The following PPP1R42 variants were observed in gnomAD, a reference collection of about 807,000 sequenced individuals.
PPP1R42 encodes the protein protein phosphatase 1 regulatory subunit 42.
In PPP1R42, 34 loss-of-function variants were observed where a neutral mutation model predicts 31.0. The observed-to-expected ratio is 1.10, with a 90% confidence interval of 0.83 to 1.46. The LOEUF (loss-of-function observed/expected upper bound fraction) is 1.46, where lower values mean the gene tolerates loss of function less well. PPP1R42 is among the 40% of genes most tolerant of loss of function. The pLI is 0.00. For synonymous variants in PPP1R42, 103 were observed against 109.8 expected (o/e 0.94, Z 0.39); for missense variants, 268 against 303.0 (o/e 0.88, Z 0.86).
chr8:67,024,582 C>T (rs1435215727), intron 1 of PPP1R42, among the ~76,000 whole-genome samples: 2 of 151,360 alleles, frequency 1.3e-5, no homozygotes, highest in Non-Finnish European at 2.9e-5. Context: ...TCAAGTGATT[C>T]TCCTGCCTCA....
chr8:66,975,424 G>A (rs951572382), intron 7 of PPP1R42, among the ~76,000 whole-genome samples: 5 of 152,160 alleles, frequency 3.3e-5, no homozygotes, highest in African/African-American at 1.2e-4. Flanking sequence ...AAGGTGGGTG[G>A]ATCACTTGAG....
intron 1 of PPP1R42, among the ~76,000 whole-genome samples, chr8:67,025,515 A>G (rs1816365903): frequency 6.6e-6 from 1 of 151,010 alleles, no homozygotes. Context: ...TTTGTAGGGA[A>G]GGCAAAATCT....
rs548053189 is a variant in PPP1R42 at position 66,964,352 on chromosome 8, GA to G, written c.803-19del. The G allele has an allele frequency of 6.2e-5, 75 of 1,218,112 alleles. No homozygotes were observed. The highest frequency in any genetic ancestry group is 2.3e-4 in the Middle Eastern group (1 of 4,334). 75.5% of individuals were successfully genotyped at this position (1,218,112 alleles called of 1,614,324 possible). On this transcript the variant is annotated intron_variant, in intron 7 of 7. Transcript: ENST00000685739. ...AGAGATTCCTGTATTTATAGAGAGG[GA>G]AAAAAAAGCATTAAATTAAAAAAAT...
chr8:66,987,448 C>T (rs2130930888), intron 6 of PPP1R42, among the ~76,000 whole-genome samples: 1 of 152,094 alleles, frequency 6.6e-6, no homozygotes, highest in Non-Finnish European at 1.5e-5. Context: ...CACACTGCCA[C>T]CCCTGGCTAT....
chr8:66,965,482 G>A (rs1205186879), intron 7 of PPP1R42, among the ~76,000 whole-genome samples: 1 of 150,262 alleles, frequency 6.7e-6, no homozygotes, highest in African/African-American at 2.4e-5. Flanking sequence ...TGTCGCCCAG[G>A]CTGGAGTGCA....
intron 2 of PPP1R42, among the ~76,000 whole-genome samples, chr8:67,015,763 A>T (rs921136563): frequency 2.0e-5 from 3 of 152,154 alleles, no homozygotes; most frequent in African/African-American, 7.2e-5. Flanking sequence ...AGGGATTTTT[A>T]AAAAGGCTGC....
chr8:66,976,430 AGTCCCTG>A (rs1814675716), intron 7 of PPP1R42, among the ~76,000 whole-genome samples: 1 of 152,330 alleles, frequency 6.6e-6, no homozygotes, highest in East Asian at 1.9e-4. Flanking sequence ...CCACAAAACC[AGTCCCTG>A]GTGCTACAAA....
At chr8:66,973,158 T>A (rs1814578783) in intron 7 of PPP1R42, among the ~76,000 whole-genome samples, 1 of 152,204 alleles carries the variant, frequency 6.6e-6, no homozygotes, top group South Asian at 2.1e-4. Context: ...CCATTTTAAA[T>A]TATTAATAAT....
intron 7 of PPP1R42, chr8:66,971,173 T>C: frequency 2.1e-6 from 3 of 1,436,540 alleles, no homozygotes; most frequent in Non-Finnish European, 2.7e-6. Flanking sequence ...AGCATTCTGC[T>C]TTGAAATTAA....
chr8:66,988,647 G>T, intron 5 of PPP1R42, 130 bp from the exon 6 acceptor site: 1 of 718,874 alleles, frequency 1.4e-6, no homozygotes, highest in Non-Finnish European at 2.1e-6. Context: ...GTACTTAGAA[G>T]GTGCATAATA....
intron 7 of PPP1R42, among the ~76,000 whole-genome samples, chr8:66,977,988 C>G (rs1274331206): frequency 1.3e-5 from 2 of 152,172 alleles, no homozygotes; most frequent in Non-Finnish European, 2.9e-5. Context: ...ATTCTGTTCT[C>G]TATAGTGGTT....
intron 7 of PPP1R42, among the ~76,000 whole-genome samples, chr8:66,972,140 T>A (rs1027891151): frequency 1.3e-5 from 2 of 152,224 alleles, no homozygotes; most frequent in Non-Finnish European, 2.9e-5. Flanking sequence ...TATAGTATGC[T>A]ATTGGACATA....
intron 7 of PPP1R42, among the ~76,000 whole-genome samples, chr8:66,978,617 C>T (rs974107458): frequency 2.6e-5 from 4 of 152,106 alleles, no homozygotes; most frequent in African/African-American, 9.7e-5. Flanking sequence ...AGGGTTTCAC[C>T]ATGTTGGCCA....
At chr8:66,970,727 T>C (rs1814514458) in intron 7 of PPP1R42, 1 of 474,940 alleles carries the variant, frequency 2.1e-6, no homozygotes, top group Non-Finnish European at 4.1e-6. Flanking sequence ...CGGAGTCTCC[T>C]ACCTTACCTC....
chr8:66,976,023 G>A (rs1047502247), intron 7 of PPP1R42, among the ~76,000 whole-genome samples: 7 of 152,148 alleles, frequency 4.6e-5, no homozygotes, highest in Admixed American at 2.6e-4. Flanking sequence ...GCAGGTAAGC[G>A]AATGAAGCTT....
At chr8:66,988,616 G>T in intron 5 of PPP1R42, 99 bp from the exon 6 acceptor site, 1 of 1,118,052 alleles carries the variant, frequency 8.9e-7, no homozygotes, top group African/African-American at 1.6e-5. Flanking sequence ...CTGCTTTCAT[G>T]GAGTTCTAGC....
intron 7 of PPP1R42, among the ~76,000 whole-genome samples, chr8:66,976,982 T>G (rs867838441): frequency 7.2e-5 from 11 of 152,088 alleles, no homozygotes; most frequent in Non-Finnish European, 1.5e-4. Context: ...AGGAATTTTT[T>G]TAAATTCAAG....
intron 7 of PPP1R42, among the ~76,000 whole-genome samples, chr8:66,981,587 G>T (rs989683297): frequency 2.7e-5 from 4 of 150,666 alleles, no homozygotes; most frequent in African/African-American, 9.8e-5. Flanking sequence ...CATCATGTTG[G>T]CCAGGATGGT....
At chr8:67,003,062 G>A (rs1354766931) in intron 5 of PPP1R42, among the ~76,000 whole-genome samples, 4 of 150,198 alleles carry the variant, frequency 2.7e-5, no homozygotes, top group African/African-American at 9.7e-5. Flanking sequence ...CTACTAGGTG[G>A]GGCTGAGGCA....
Sources: allele counts gnomAD v4.1 joint callset (sites outside exome capture counted in the v4.1 genomes callset), GRCh38; gene constraint gnomAD v4.1.1; transcripts MANE v1.5; gene names NCBI Gene and HGNC (gene_info 2026-07-23, HGNC 2026-07-21).